MSRB3: variants seen among roughly 807,000 people sequenced by gnomAD.
MSRB3 encodes the protein methionine sulfoxide reductase B3.
In MSRB3, 13 loss-of-function variants were observed where a neutral mutation model predicts 21.0. That is an observed-to-expected ratio of 0.62 (90% CI 0.40 to 0.98). MSRB3 has a LOEUF of 0.98. Ranked by LOEUF, MSRB3 falls within the 50% of genes least tolerant of loss-of-function variation. MSRB3 has a pLI of 0.00. For missense variants in MSRB3, 199 were observed against 230.3 expected, an observed-to-expected ratio of 0.86 and a Z score of 0.88; for synonymous variants, 87 against 88.6, an observed-to-expected ratio of 0.98 and a Z score of 0.10.
intron 3 of MSRB3, among the ~76,000 whole-genome samples, chr12:65,327,486 G>A (rs143621617): frequency 1.5e-4 from 23 of 152,238 alleles, no homozygotes; most frequent in Non-Finnish European, 2.8e-4. Flanking sequence ...TTGGAAGTTC[G>A]CCCTAAGTCC....
intron 6 of MSRB3, among the ~76,000 whole-genome samples, chr12:65,460,719 A>G (rs1592658285): frequency 6.6e-6 from 1 of 150,496 alleles, no homozygotes. Context: ...TTTTCTAACT[A>G]TAATTTCTCT....
intron 4 of MSRB3, among the ~76,000 whole-genome samples, chr12:65,351,739 T>TA (rs1877011041): frequency 6.6e-6 from 1 of 151,098 alleles, no homozygotes; most frequent in Non-Finnish European, 1.5e-5. Context: ...CCTCGACACA[T>TA]ACACTCTCCC....
At chr12:65,448,239 A>T (rs1882705546) in intron 5 of MSRB3, among the ~76,000 whole-genome samples, 1 of 152,202 alleles carries the variant, frequency 6.6e-6, no homozygotes. Context: ...CTTAAGCTAG[A>T]TATTCATGCA....
intron 5 of MSRB3, among the ~76,000 whole-genome samples, chr12:65,420,833 G>A (rs903851321): frequency 6.6e-6 from 1 of 152,210 alleles, no homozygotes; most frequent in African/African-American, 2.4e-5. Flanking sequence ...GTATTCCATG[G>A]AATATATGTG....
intron 4 of MSRB3, among the ~76,000 whole-genome samples, chr12:65,347,796 G>T (rs887071919): frequency 6.6e-6 from 1 of 152,052 alleles, no homozygotes; most frequent in African/African-American, 2.4e-5. Context: ...TTAGCACGAA[G>T]GTTGTTGAAT....
At chr12:65,325,938 A>G (rs1161138730) in intron 2 of MSRB3, among the ~76,000 whole-genome samples, 1 of 152,260 alleles carries the variant, frequency 6.6e-6, no homozygotes, top group Non-Finnish European at 1.5e-5. Flanking sequence ...TGCAGGCTGT[A>G]TAGGTTGAAA....
In MSRB3 at chr12:65,368,999, T is replaced by G; in HGVS notation, c.265T>G (p.Ser89Ala). 1.4e-6 allele frequency: 2 copies of G among 1,417,222 alleles called. No individual in the cohort carries two copies. The highest frequency in any genetic ancestry group is 1.9e-6 in the Non-Finnish European group (2 of 1,054,126). 87.8% of individuals were successfully genotyped at this position (1,417,222 alleles called of 1,614,324 possible). Reference sequence around the variant, plus strand: ...TAAAAACTTTCTTTCTCTTTGCAGGTCAGAAACCAAATTTGACTCCGGTTC... The same window carrying G: ...TAAAAACTTTCTTTCTCTTTGCAGGGCAGAAACCAAATTTGACTCCGGTTC... ...CVVCGTPLFK[S>A]ETKFDSGSGW... The change falls in exon 5 of 7, where the codon TCA (serine) becomes GCA (alanine). Residue 89 changes from serine (S) to alanine (A), a missense_variant and splice_region_variant. Transcript: ENST00000308259.
intron 5 of MSRB3, among the ~76,000 whole-genome samples, chr12:65,395,020 G>A (rs755831210): frequency 4.6e-5 from 7 of 152,020 alleles, no homozygotes; most frequent in Non-Finnish European, 8.8e-5. Context: ...CACCATTTCT[G>A]TTCAGCATTA....
chr12:65,361,674 C>G (rs1877715230), intron 4 of MSRB3, among the ~76,000 whole-genome samples: 1 of 152,116 alleles, frequency 6.6e-6, no homozygotes, highest in Non-Finnish European at 1.5e-5. Flanking sequence ...ATTGGCAAAT[C>G]TTAAGACTTT....
At chr12:65,316,901 A>C (rs1274491096) in intron 2 of MSRB3, among the ~76,000 whole-genome samples, 1 of 152,096 alleles carries the variant, frequency 6.6e-6, no homozygotes, top group Non-Finnish European at 1.5e-5. Context: ...TATTGAAGGA[A>C]TGTGTAGATG....
At chr12:65,358,897 C>G (rs1161972413) in intron 4 of MSRB3, among the ~76,000 whole-genome samples, 1 of 151,898 alleles carries the variant, frequency 6.6e-6, no homozygotes, top group East Asian at 1.9e-4. Context: ...GATTTTATCT[C>G]TTAGCATTCT....
chr12:65,374,975 G>A (rs561114660), intron 5 of MSRB3, among the ~76,000 whole-genome samples: 94 of 150,908 alleles, frequency 6.2e-4, no homozygotes, highest in African/African-American at 2.1e-3. Flanking sequence ...TCAGCCTCTC[G>A]AGTAGCCGGG....
At chr12:65,318,406 C>T (rs1874443095) in intron 2 of MSRB3, among the ~76,000 whole-genome samples, 1 of 152,124 alleles carries the variant, frequency 6.6e-6, no homozygotes. Context: ...GCAGTCGGTG[C>T]TCCCAAGGGG....
At chr12:65,319,059 A>G (rs2136438642) in intron 2 of MSRB3, among the ~76,000 whole-genome samples, 1 of 152,282 alleles carries the variant, frequency 6.6e-6, no homozygotes, top group East Asian at 1.9e-4. Flanking sequence ...ATGAGATTTT[A>G]CTATTAAGGT....
At chr12:65,377,482 T>C (rs1878695352) in intron 5 of MSRB3, among the ~76,000 whole-genome samples, 1 of 152,068 alleles carries the variant, frequency 6.6e-6, no homozygotes, top group African/African-American at 2.4e-5. Context: ...GTATTTTCAG[T>C]AGAGATGGGG....
At chr12:65,393,754 C>CA (rs1203994520) in intron 5 of MSRB3, among the ~76,000 whole-genome samples, 16 of 151,498 alleles carry the variant, frequency 1.1e-4, no homozygotes, top group Admixed American at 6.6e-4. Context: ...TACATACACA[C>CA]ACATATACAT....
intron 4 of MSRB3, among the ~76,000 whole-genome samples, chr12:65,350,950 C>T (rs1178935083): frequency 2.0e-5 from 3 of 148,508 alleles, no homozygotes; most frequent in African/African-American, 5.1e-5. Flanking sequence ...CTCAGCTCTG[C>T]ACCAAGCGGA....
intron 5 of MSRB3, among the ~76,000 whole-genome samples, chr12:65,403,791 A>T (rs1386494707): frequency 6.6e-6 from 1 of 152,156 alleles, no homozygotes; most frequent in Non-Finnish European, 1.5e-5. Flanking sequence ...GAAAACACGC[A>T]GTATCTGTGC....
intron 1 of MSRB3, among the ~76,000 whole-genome samples, chr12:65,290,465 C>A (rs1435399474): frequency 6.6e-6 from 1 of 152,098 alleles, no homozygotes; most frequent in African/African-American, 2.4e-5. Context: ...GAGAATGGCC[C>A]TAGTGTGATG....
Sources: allele counts gnomAD v4.1 joint callset (sites outside exome capture counted in the v4.1 genomes callset), GRCh38; gene constraint gnomAD v4.1.1; transcripts MANE v1.5; gene names NCBI Gene and HGNC (gene_info 2026-07-23, HGNC 2026-07-21).